Variants in SULF1 observed in about 807,000 individuals in gnomAD.
The protein encoded by SULF1 is extracellular sulfatase Sulf-1.
SULF1 carries 46 observed loss-of-function variants against 110.5 expected under a neutral mutation model. The ratio of observed to expected loss-of-function variants is 0.42; its 90% confidence interval spans 0.33 to 0.53. The LOEUF is 0.53. Ranked by LOEUF, SULF1 falls within the 20% of genes least tolerant of loss-of-function variation. SULF1 has a pLI of 0.12. For synonymous variants in SULF1, 371 were observed against 387.1 expected (o/e 0.96, Z 0.49); for missense variants, 941 against 1,094.2 (o/e 0.86, Z 1.98).
intron 19 of SULF1, chr8:69,638,286 A>G: frequency 1.7e-6 from 1 of 585,612 alleles, no homozygotes; most frequent in African/African-American, 1.9e-5. Flanking sequence ...TTCAGCCTAT[A>G]AGAGATCACT....
At chr8:69,472,439 A>C (rs1193089634) in intron 1 of SULF1, among the ~76,000 whole-genome samples, 1 of 152,098 alleles carries the variant, frequency 6.6e-6, no homozygotes, top group Non-Finnish European at 1.5e-5. Context: ...CCATTCCCAA[A>C]CTCTGCACCC....
intron 19 of SULF1, among the ~76,000 whole-genome samples, chr8:69,631,486 G>T (rs146587807): frequency 0.01 from 1,590 of 152,326 alleles, 12 homozygotes; most frequent in Non-Finnish European, 0.019. Flanking sequence ...ACCCCAGAAG[G>T]CTGAGGCTTC....
At chr8:69,586,110 C>A (rs140905202) in intron 6 of SULF1, among the ~76,000 whole-genome samples, 1 of 152,312 alleles carries the variant, frequency 6.6e-6, no homozygotes, top group Admixed American at 6.5e-5. Flanking sequence ...GTGCTGTGAT[C>A]ATTATGATGG....
chr8:69,576,062 C>T lies in SULF1; in HGVS notation c.265C>T (p.Pro89Ser). Reference protein sequence around the residue: ...NAFVTTPMCCPSRSSMLTGKY... With the variant: ...NAFVTTPMCCSSRSSMLTGKY... ...CTTTGTGACTACACCCATGTGCTGC[C>T]CGTCACGGTCCTCCATGCTCACCGG... The change falls in exon 6 of 23, where the codon CCG becomes TCG. Residue 89 changes from proline (P) to serine (S), a missense_variant. Transcript: ENST00000402687. 1 of 1,614,172 alleles carries T rather than the reference C, an allele frequency of 6.2e-7. No individual in the cohort carries two copies.
chr8:69,467,798 A>G (rs544370986), intron 1 of SULF1, among the ~76,000 whole-genome samples: 1 of 152,216 alleles, frequency 6.6e-6, no homozygotes, highest in African/African-American at 2.4e-5. Flanking sequence ...TAAACAGACA[A>G]ACAGAAAGGA....
intron 3 of SULF1, among the ~76,000 whole-genome samples, chr8:69,561,014 AG>A (rs1198477005): frequency 2.6e-5 from 4 of 152,236 alleles, no homozygotes; most frequent in Non-Finnish European, 5.9e-5. Context: ...CCAAAGTTCT[AG>A]TGAGACAGGA....
chr8:69,484,044 A>G (rs1212148884), intron 1 of SULF1, among the ~76,000 whole-genome samples: 1 of 152,214 alleles, frequency 6.6e-6, no homozygotes, highest in African/African-American at 2.4e-5. Flanking sequence ...GACTTGGCCA[A>G]GTTTACAGAC....
At chr8:69,486,746 G>A (rs988172510) in intron 1 of SULF1, among the ~76,000 whole-genome samples, 3 of 152,060 alleles carry the variant, frequency 2.0e-5, no homozygotes, top group African/African-American at 7.2e-5. Context: ...TCTCAGACTT[G>A]TCCCTTGGAC....
At chr8:69,496,600 T>C (rs915350440) in intron 2 of SULF1, among the ~76,000 whole-genome samples, 1 of 152,192 alleles carries the variant, frequency 6.6e-6, no homozygotes, top group African/African-American at 2.4e-5. Context: ...GAACAAGATA[T>C]ATTTGGGGAA....
At chr8:69,510,495 G>A (rs1394112211) in intron 3 of SULF1, among the ~76,000 whole-genome samples, 1 of 152,124 alleles carries the variant, frequency 6.6e-6, no homozygotes, top group Non-Finnish European at 1.5e-5. Context: ...CCCATACAAT[G>A]CTTAACAATT....
intron 18 of SULF1, 144 bp downstream of exon 18, chr8:69,628,380 A>G: frequency 1.5e-6 from 1 of 681,078 alleles, no homozygotes; most frequent in Non-Finnish European, 2.6e-6. Context: ...TAGCTCATGA[A>G]GTTGAAAGCA....
At chr8:69,636,673 G>A (rs1270472210) in intron 19 of SULF1, among the ~76,000 whole-genome samples, 1 of 152,198 alleles carries the variant, frequency 6.6e-6, no homozygotes, top group Non-Finnish European at 1.5e-5. Flanking sequence ...ATTGGCGAGA[G>A]GTCAGGTGAA....
At chr8:69,532,256 G>C (rs1813138318) in intron 3 of SULF1, among the ~76,000 whole-genome samples, 2 of 152,060 alleles carry the variant, frequency 1.3e-5, no homozygotes, top group African/African-American at 2.4e-5. Flanking sequence ...GGTCTTGTAA[G>C]GAAACAAGTC....
chr8:69,479,758 C>A (rs1015207521), intron 1 of SULF1, among the ~76,000 whole-genome samples: 1 of 152,112 alleles, frequency 6.6e-6, no homozygotes, highest in South Asian at 2.1e-4. Context: ...TGTTGGGAGA[C>A]CTGCCTAAAA....
At chr8:69,489,569 C>CCCTT (rs1563461557), upstream of SULF1, among the ~76,000 whole-genome samples, 1 of 135,156 alleles carries the variant, frequency 7.4e-6, no homozygotes, top group African/African-American at 2.8e-5. Flanking sequence ...TTCTTTCTTT[C>CCCTT]TCTTTTTTTT....
chr8:69,563,743 T>C (rs1815673059), intron 4 of SULF1, 132 bp downstream of exon 4: 7 of 458,414 alleles, frequency 1.5e-5, no homozygotes, highest in Non-Finnish European at 2.7e-5. Context: ...AATCAAGTGC[T>C]TAAAAAACTA....
chr8:69,516,700 A>G (rs911798306), intron 3 of SULF1, among the ~76,000 whole-genome samples: 8 of 152,218 alleles, frequency 5.3e-5, no homozygotes, highest in Non-Finnish European at 8.8e-5. Flanking sequence ...CTGAGATAGA[A>G]TCTTTGTTGA....
rs2130577991 is a variant in SULF1, at chr8:69,625,153, A to C, written c.1850+956A>C. On this transcript the variant is annotated intron_variant, in intron 15 of 22. Coordinates refer to ENST00000402687, the MANE Select transcript of SULF1 (RefSeq NM_001128205.2). ...ACTCTCTTTTTAACAAAATGAGTGG[A>C]ATGAATTCCCCTTCTGAATCTGCTT... Among the ~76,000 whole-genome samples the C allele has an allele frequency of 2.6e-5, 4 of 152,344 alleles. No homozygotes were observed. In the Middle Eastern group the frequency reaches 0.01, roughly 389 times the overall value.
chr8:69,611,342 G>A (rs896486627), intron 13 of SULF1, among the ~76,000 whole-genome samples: 4 of 152,202 alleles, frequency 2.6e-5, no homozygotes, highest in African/African-American at 9.6e-5. Context: ...ACATTCCAGT[G>A]TTGACTTTTA....
Sources: allele counts gnomAD v4.1 joint callset (sites outside exome capture counted in the v4.1 genomes callset), GRCh38; gene constraint gnomAD v4.1.1; transcripts MANE v1.5; gene names NCBI Gene and HGNC (gene_info 2026-07-23, HGNC 2026-07-21).